Variants in CADPS2 observed in about 807,000 individuals in gnomAD.
The protein encoded by CADPS2 is calcium dependent secretion activator 2.
CADPS2 carries 93 observed loss-of-function variants against 172.5 expected under a neutral mutation model. The ratio of observed to expected loss-of-function variants is 0.54; its 90% CI spans 0.46 to 0.64. The LOEUF (loss-of-function observed/expected upper bound fraction) is 0.64. Ranked by LOEUF, CADPS2 falls within the 30% of genes least tolerant of loss-of-function variation. CADPS2 has a pLI of 0.00. For missense variants in CADPS2, 1,420 were observed against 1,565.9 expected (o/e 0.91, Z 1.57); for synonymous variants, 546 against 555.2 (o/e 0.98, Z 0.23).
At chr7:122,830,907 G>A (rs1026872345) in intron 1 of CADPS2, among the ~76,000 whole-genome samples, 16 of 152,078 alleles carry the variant, frequency 1.1e-4, no homozygotes, top group African/African-American at 4.8e-5. Context: ...TTATAAAAAA[G>A]CAATCAGATC....
At chr7:122,853,850 G>C (rs1314446822) in intron 1 of CADPS2, among the ~76,000 whole-genome samples, 1 of 152,184 alleles carries the variant, frequency 6.6e-6, no homozygotes, top group African/African-American at 2.4e-5. Context: ...AAAAGGTAGA[G>C]GGGCATGTAG....
chr7:122,478,325 C>A (rs777027468), intron 12 of CADPS2, among the ~76,000 whole-genome samples: 38 of 152,164 alleles, frequency 2.5e-4, no homozygotes, highest in Non-Finnish European at 5.3e-4. Flanking sequence ...CAAAACAAAC[C>A]AACAAGCTAT....
At chr7:122,587,934 T>C (rs1015828906) in intron 6 of CADPS2, among the ~76,000 whole-genome samples, 2 of 152,142 alleles carry the variant, frequency 1.3e-5, no homozygotes, top group East Asian at 1.9e-4. Flanking sequence ...TATCTCACTG[T>C]GGTTTTGACT....
At chr7:122,768,857 C>T (rs1793417870) in intron 1 of CADPS2, among the ~76,000 whole-genome samples, 1 of 151,440 alleles carries the variant, frequency 6.6e-6, no homozygotes, top group African/African-American at 2.4e-5. Context: ...AAAAAGAAAA[C>T]ACAAATGAAG....
chr7:122,512,736 A>G (rs1355232678), intron 9 of CADPS2, among the ~76,000 whole-genome samples: 1 of 151,830 alleles, frequency 6.6e-6, no homozygotes, highest in Non-Finnish European at 1.5e-5. Flanking sequence ...ATCAGTGATT[A>G]TATGTATTAT....
chr7:122,523,104 G>C (rs2060941951), intron 8 of CADPS2, among the ~76,000 whole-genome samples: 1 of 152,036 alleles, frequency 6.6e-6, no homozygotes, highest in African/African-American at 2.4e-5. Context: ...GGGATTGTTG[G>C]ATCACATGAT....
intron 15 of CADPS2, among the ~76,000 whole-genome samples, chr7:122,445,963 A>G (rs1437710186): frequency 6.6e-6 from 1 of 152,204 alleles, no homozygotes; most frequent in Non-Finnish European, 1.5e-5. Context: ...GACTTCAAAA[A>G]ATTTGTTTTT....
Position 122,702,146 on chromosome 7 carries a change from A to G in CADPS2, c.453+34809T>C, listed in dbSNP as rs772338368. 13 of 1,613,606 alleles carry G rather than the reference A, an allele frequency of 8.1e-6. No homozygotes were observed. In the African/African-American group the frequency reaches 1.6e-4, roughly 20 times the overall value. On this transcript the variant is annotated intron_variant, in intron 2 of 29. Transcript: ENST00000449022. The stretch of plus-strand genomic sequence containing the variant: ...GACGCAATCTAAGTAAAAGTAGGCA[A>G]TTGTGGCAGCCAGGAAGGTAAATAG...
chr7:122,523,929 A>G (rs1361120002), intron 8 of CADPS2, among the ~76,000 whole-genome samples: 1 of 152,164 alleles, frequency 6.6e-6, no homozygotes, highest in Non-Finnish European at 1.5e-5. Flanking sequence ...TCCATCCTCT[A>G]GGAAGAGGAC....
chr7:122,791,956 C>A (rs999664868), intron 1 of CADPS2, among the ~76,000 whole-genome samples: 7 of 152,074 alleles, frequency 4.6e-5, no homozygotes, highest in African/African-American at 7.2e-5. Context: ...CTAAGGGAAC[C>A]AAGTTAAATG....
intron 9 of CADPS2, among the ~76,000 whole-genome samples, chr7:122,505,631 G>C (rs1437038864): frequency 1.3e-5 from 2 of 152,152 alleles, no homozygotes; most frequent in Non-Finnish European, 2.9e-5. Flanking sequence ...ACAGATGGAA[G>C]AGTAATAAAA....
intron 1 of CADPS2, among the ~76,000 whole-genome samples, chr7:122,851,422 C>T (rs1046795145): frequency 6.6e-6 from 1 of 152,180 alleles, no homozygotes; most frequent in African/African-American, 2.4e-5. Context: ...AGAGGAGCAG[C>T]AGTTCAGCTA....
At chr7:122,417,630 G>A (rs2048082268) in intron 17 of CADPS2, among the ~76,000 whole-genome samples, 1 of 152,150 alleles carries the variant, frequency 6.6e-6, no homozygotes, top group African/African-American at 2.4e-5. Flanking sequence ...GACTTTGCAT[G>A]ACAACCTACT....
At chr7:122,427,855 G>T (rs2049365931) in intron 17 of CADPS2, among the ~76,000 whole-genome samples, 1 of 151,930 alleles carries the variant, frequency 6.6e-6, no homozygotes, top group Admixed American at 6.6e-5. Flanking sequence ...ACATTAATTT[G>T]AGGGAAGAAT....
intron 25 of CADPS2, among the ~76,000 whole-genome samples, chr7:122,376,255 A>C (rs561669503): frequency 6.6e-6 from 1 of 152,302 alleles, no homozygotes; most frequent in African/African-American, 2.4e-5. Flanking sequence ...AAATTAGTAT[A>C]TCAGAGAGAT....
intron 9 of CADPS2, among the ~76,000 whole-genome samples, chr7:122,504,289 C>T (rs190560556): frequency 1.6e-3 from 238 of 152,214 alleles, no homozygotes; most frequent in African/African-American, 5.4e-3. Context: ...CAGTGGTCTC[C>T]CCGTGAATCT....
chr7:122,848,051 A>G (rs1203960434), intron 1 of CADPS2, among the ~76,000 whole-genome samples: 1 of 152,004 alleles, frequency 6.6e-6, no homozygotes, highest in Non-Finnish European at 1.5e-5. Context: ...AGAACACTCA[A>G]CTCTTTGCCT....
At chr7:122,647,103 T>A (rs2078643891) in intron 3 of CADPS2, among the ~76,000 whole-genome samples, 1 of 152,134 alleles carries the variant, frequency 6.6e-6, no homozygotes, top group South Asian at 2.1e-4. Flanking sequence ...CAGTTTACCA[T>A]GGGTTTAAGT....
intron 7 of CADPS2, among the ~76,000 whole-genome samples, chr7:122,567,178 T>C (rs985432638): frequency 2.0e-5 from 3 of 152,094 alleles, no homozygotes; most frequent in African/African-American, 7.2e-5. Context: ...ATCACATGAA[T>C]TATGTAAAAA....
Sources: allele counts gnomAD v4.1 joint callset (sites outside exome capture counted in the v4.1 genomes callset), GRCh38; gene constraint gnomAD v4.1.1; transcripts MANE v1.5; gene names NCBI Gene and HGNC (gene_info 2026-07-23, HGNC 2026-07-21).